Variants in ACOT1 observed in about 807,000 individuals in gnomAD.
ACOT1 encodes acyl-coenzyme A thioesterase 1.
ACOT1 carries 8 observed loss-of-function variants against 15.7 expected under a neutral mutation model. That is an observed-to-expected ratio of 0.51 (90% CI 0.30 to 0.92). The LOEUF (loss-of-function observed/expected upper bound fraction) is 0.92. ACOT1 is among the 40% of genes least tolerant of loss of function. ACOT1 has a pLI of 0.06. For synonymous variants in ACOT1, 67 were observed against 241.2 expected (o/e 0.28, Z 6.69); for missense variants, 151 against 539.4 (o/e 0.28, Z 7.13).
chr14:73,509,366 T>C, the ACOT1 span: 1 of 1,614,016 alleles, frequency 6.2e-7, no homozygotes, highest in Non-Finnish European at 8.5e-7. Flanking sequence ...TGTGACTGTA[T>C]GGCATATTGG....
the ACOT1 span, among the ~76,000 whole-genome samples, chr14:73,521,528 A>G: frequency 6.6e-6 from 1 of 152,228 alleles, no homozygotes; most frequent in Non-Finnish European, 1.5e-5. Flanking sequence ...GTGCCTGGAA[A>G]GTAGCAAGAA....
chr14:73,519,542 G>A, the ACOT1 span, among the ~76,000 whole-genome samples: 4 of 151,902 alleles, frequency 2.6e-5, no homozygotes, highest in African/African-American at 7.3e-5. Flanking sequence ...TCAGGAGTTC[G>A]AGACCAGCCT....
At chr14:73,518,042 C>T in the ACOT1 span, among the ~76,000 whole-genome samples, 21 of 152,230 alleles carry the variant, frequency 1.4e-4, no homozygotes, top group South Asian at 1.2e-3. Flanking sequence ...GCCGAGATCA[C>T]GCCACCGCAC....
chr14:73,498,365 C>T, the ACOT1 span: 7 of 1,563,244 alleles, frequency 4.5e-6, no homozygotes, highest in Non-Finnish European at 6.1e-6. Context: ...TAGAGGGCAG[C>T]ATGTCACTGA....
the ACOT1 span, among the ~76,000 whole-genome samples, chr14:73,529,490 TA>T: frequency 6.6e-6 from 1 of 152,146 alleles, no homozygotes; most frequent in Admixed American, 6.6e-5. Context: ...TTGGAAGGGT[TA>T]GGCTACATGC....
the ACOT1 span, among the ~76,000 whole-genome samples, chr14:73,529,953 T>C: frequency 7.5e-5 from 11 of 146,052 alleles, no homozygotes; most frequent in East Asian, 1.3e-3. Flanking sequence ...GTTTGTTAGA[T>C]ACAGTTTTTT....
the ACOT1 span, chr14:73,492,999 C>CA: frequency 6.8e-7 from 1 of 1,460,246 alleles, no homozygotes; most frequent in Non-Finnish European, 9.1e-7. This position sits in a 1 kb window ranked among gnomAD's most constrained non-coding sequence, Gnocchi z 4.9. Context: ...CCACTGCTAC[C>CA]TTTTTTTTTT....
chr14:73,524,877 C>A, the ACOT1 span, among the ~76,000 whole-genome samples: 7 of 152,108 alleles, frequency 4.6e-5, no homozygotes, highest in Admixed American at 3.3e-4. Flanking sequence ...CCATGCAGAC[C>A]AGATCTGACT....
rs1377351237 is a variant in ACOT1, at chr14:73,538,752, C to T, written c.457+874C>T. On this transcript the variant is annotated intron_variant, in intron 1 of 2. Transcript: ENST00000311148. Reference sequence around the variant, plus strand: ...TAGCACTTTGGGAGGCCGAGGCAGGCGGATCAAGAGTTCGAGACCAGCCTG... The same window carrying T: ...TAGCACTTTGGGAGGCCGAGGCAGGTGGATCAAGAGTTCGAGACCAGCCTG... Among the ~76,000 whole-genome samples the T allele has an allele frequency of 4.4e-5, 5 of 113,392 alleles. 2 individuals are homozygous for T. Among genetic ancestry groups the T allele is most frequent in the Non-Finnish European group, 9.6e-5 (5 of 52,216 alleles). 74.4% of individuals were successfully genotyped at this position (113,392 alleles called of 152,430 possible). A position where few individuals can be genotyped will look rare whatever the true frequency, so the allele number is the denominator to read the frequency against.
chr14:73,529,986 CAG>C, the ACOT1 span, among the ~76,000 whole-genome samples: 2 of 141,232 alleles, frequency 1.4e-5, no homozygotes, highest in African/African-American at 5.1e-5. Context: ...ATGTTTGAGA[CAG>C]GGCCTCACTC....
chr14:73,496,265 A>G, the ACOT1 span, among the ~76,000 whole-genome samples: 1 of 152,182 alleles, frequency 6.6e-6, no homozygotes, highest in Non-Finnish European at 1.5e-5. Context: ...TTCCTTCTCT[A>G]TGCCTATTTG....
chr14:73,499,880 T>C, the ACOT1 span, among the ~76,000 whole-genome samples: 1 of 152,192 alleles, frequency 6.6e-6, no homozygotes, highest in African/African-American at 2.4e-5. Flanking sequence ...TTGTCCAACA[T>C]GTGGCCTAGG....
the ACOT1 span, among the ~76,000 whole-genome samples, chr14:73,524,306 AAAAAAT>A: frequency 8.0e-4 from 73 of 90,994 alleles, no homozygotes; most frequent in Non-Finnish European, 1.3e-3. Flanking sequence ...AAAAAAAAAA[AAAAAAT>A]ATATATATAT....
the ACOT1 span, among the ~76,000 whole-genome samples, chr14:73,503,858 A>G: frequency 1.3e-5 from 2 of 152,178 alleles, no homozygotes; most frequent in Non-Finnish European, 2.9e-5. Context: ...AAAGACTCAT[A>G]GACATACTGC....
At chr14:73,512,084 C>T in the ACOT1 span, 6 of 1,614,054 alleles carry the variant, frequency 3.7e-6, no homozygotes, top group African/African-American at 2.7e-5. Context: ...TTGATCCGAA[C>T]GTCATCATGC....
the ACOT1 span, among the ~76,000 whole-genome samples, chr14:73,524,804 G>A: frequency 3.3e-5 from 5 of 151,878 alleles, no homozygotes; most frequent in Admixed American, 3.3e-4. Context: ...GGATGAAGGA[G>A]AGACCATTAT....
At chr14:73,503,524 G>A in the ACOT1 span, among the ~76,000 whole-genome samples, 4 of 152,202 alleles carry the variant, frequency 2.6e-5, no homozygotes, top group African/African-American at 9.7e-5. Flanking sequence ...TGCCCACGCT[G>A]TTCTTCCTGC....
At chr14:73,531,446 A>T in the ACOT1 span, among the ~76,000 whole-genome samples, 1,015 of 83,254 alleles carry the variant, frequency 0.012, 184 homozygotes, top group African/African-American at 0.037. Flanking sequence ...TTTGCGAGGG[A>T]GTCTCACTCT....
At chr14:73,506,804 G>GTTTTTT in the ACOT1 span, among the ~76,000 whole-genome samples, 242 of 80,462 alleles carry the variant, frequency 3.0e-3, 41 homozygotes, top group African/African-American at 6.2e-3. Flanking sequence ...GACTTTAACT[G>GTTTTTT]TTTTTTTTTT....
Sources: gnomAD v4.1 joint callset for allele counts (sites outside exome capture counted in the v4.1 genomes callset) on GRCh38, gnomAD v4.1.1 for gene constraint, Gnocchi (gnomAD v3.1) non-coding constraint, MANE v1.5 for transcripts, NCBI Gene and HGNC (gene_info 2026-07-23, HGNC 2026-07-21) for gene names.